ARID2: variants seen among roughly 807,000 people sequenced by gnomAD.
ARID2 encodes the protein AT-rich interaction domain 2, also known as AT-rich interactive domain-containing protein 2.
Under a neutral mutation model 184.6 loss-of-function variants are expected in ARID2, and 32 were observed. That is an observed-to-expected ratio of 0.17 (90% CI 0.13 to 0.23). The LOEUF is 0.23. Ranked by LOEUF, ARID2 falls within the 10% of genes least tolerant of loss-of-function variation. The pLI is 1.00. For synonymous variants in ARID2, 836 were observed against 772.6 expected, an observed-to-expected ratio of 1.08 and a Z score of -1.36; for missense variants, 1,696 against 2,197.6, an observed-to-expected ratio of 0.77 and a Z score of 4.56.
intron 11 of ARID2, among the ~76,000 whole-genome samples, chr12:45,843,998 T>C (rs909959353): frequency 1.3e-5 from 2 of 152,138 alleles, no homozygotes; most frequent in Non-Finnish European, 2.9e-5. Context: ...CTGAATGAAA[T>C]AAAATACCAC....
intron 3 of ARID2, among the ~76,000 whole-genome samples, chr12:45,765,419 C>G (rs1941753927): frequency 6.6e-6 from 1 of 151,822 alleles, no homozygotes; most frequent in Non-Finnish European, 1.5e-5. Flanking sequence ...TCATGTTGCT[C>G]AGGCTGGTCT....
chr12:45,733,806 G>C (rs1044627834), intron 3 of ARID2, among the ~76,000 whole-genome samples: 1 of 152,150 alleles, frequency 6.6e-6, no homozygotes, highest in African/African-American at 2.4e-5. Flanking sequence ...ATATAGACTT[G>C]AGTATTAATG....
chr12:45,756,835 G>T (rs1284683845), intron 3 of ARID2, among the ~76,000 whole-genome samples: 4 of 152,164 alleles, frequency 2.6e-5, no homozygotes, highest in Non-Finnish European at 5.9e-5. Flanking sequence ...GGAGGTTGAG[G>T]CTGCAGTAAG....
At chr12:45,772,973 CA>C (rs1425049275) in intron 3 of ARID2, among the ~76,000 whole-genome samples, 1 of 152,080 alleles carries the variant, frequency 6.6e-6, no homozygotes, top group Non-Finnish European at 1.5e-5. Flanking sequence ...TTCTGTAGTG[CA>C]AACGGAATAT....
chr12:45,737,032 A>G (rs767031522), intron 3 of ARID2, among the ~76,000 whole-genome samples: 18 of 152,250 alleles, frequency 1.2e-4, no homozygotes, highest in Non-Finnish European at 1.9e-4. Context: ...TGATAAAAGA[A>G]ATAACAAACT....
intron 3 of ARID2, among the ~76,000 whole-genome samples, chr12:45,785,985 G>A (rs377658186): frequency 6.6e-6 from 1 of 152,132 alleles, no homozygotes; most frequent in South Asian, 2.1e-4. Flanking sequence ...AGAAATGTTG[G>A]GGACTGCTGA....
rs143693434 is a variant in ARID2, at chr12:45,755,175, A to G, written c.284+23861A>G. Among the ~76,000 whole-genome samples, 836 of 152,354 alleles carry G rather than the reference A, an allele frequency of 5.5e-3. 7 individuals carry two copies. The highest frequency in any genetic ancestry group is 0.019 in the African/African-American group (796 of 41,582). On this transcript the variant is annotated intron_variant, in intron 3 of 20. Coordinates refer to ENST00000334344, the MANE Select transcript of ARID2 (RefSeq NM_152641.4). Reference sequence around the variant, plus strand: ...GGAGGATTTTGAAAATCAAATTAACATATTTGAGCTTTATTCTGCATATAG... The same window carrying G: ...GGAGGATTTTGAAAATCAAATTAACGTATTTGAGCTTTATTCTGCATATAG...
intron 16 of ARID2, among the ~76,000 whole-genome samples, chr12:45,873,315 C>T (rs1310855170): frequency 6.6e-6 from 1 of 152,048 alleles, no homozygotes; most frequent in East Asian, 1.9e-4. Flanking sequence ...TCTTTTAATT[C>T]GTGTATTTAG....
At chr12:45,888,643 T>C (rs1944238803) in intron 16 of ARID2, among the ~76,000 whole-genome samples, 1 of 152,180 alleles carries the variant, frequency 6.6e-6, no homozygotes, top group African/African-American at 2.4e-5. Flanking sequence ...CCCTTATTTA[T>C]TTTTGGCCTA....
chr12:45,768,648 G>A (rs916440405), intron 3 of ARID2, among the ~76,000 whole-genome samples: 6 of 152,146 alleles, frequency 3.9e-5, no homozygotes, highest in African/African-American at 1.4e-4. Context: ...AGATTGGTAG[G>A]TGCAGTGGAG....
intron 4 of ARID2, among the ~76,000 whole-genome samples, chr12:45,816,131 T>C (rs1942799631): frequency 6.6e-6 from 1 of 152,212 alleles, no homozygotes; most frequent in Non-Finnish European, 1.5e-5. Context: ...TTTTTATATA[T>C]GTGAATTATG....
At chr12:45,759,738 G>A (rs1016827148) in intron 3 of ARID2, among the ~76,000 whole-genome samples, 1 of 152,094 alleles carries the variant, frequency 6.6e-6, no homozygotes. Flanking sequence ...CCAATTGATT[G>A]ATTGATTGAG....
chr12:45,804,572 C>T (rs112890386), intron 3 of ARID2, among the ~76,000 whole-genome samples: 9 of 151,664 alleles, frequency 5.9e-5, no homozygotes, highest in African/African-American at 1.7e-4. Context: ...TACTGGATTA[C>T]GATTTTCAGC....
chr12:45,827,530 A>G (rs1943025895), intron 6 of ARID2, among the ~76,000 whole-genome samples: 1 of 152,176 alleles, frequency 6.6e-6, no homozygotes. Flanking sequence ...ATAGGAAAAC[A>G]GACAATAAAA....
intron 4 of ARID2, among the ~76,000 whole-genome samples, chr12:45,816,667 A>C (rs899146365): frequency 3.3e-5 from 5 of 152,204 alleles, no homozygotes; most frequent in Non-Finnish European, 7.3e-5. Flanking sequence ...ATTGGAAACA[A>C]TCTAAACGTC....
chr12:45,891,548 T>C (rs1339889283), intron 16 of ARID2, among the ~76,000 whole-genome samples: 2 of 152,238 alleles, frequency 1.3e-5, no homozygotes, highest in African/African-American at 2.4e-5. Context: ...GGTATTTGTT[T>C]ATAAGATAAT....
intron 11 of ARID2, among the ~76,000 whole-genome samples, chr12:45,845,317 T>C (rs545575057): frequency 1.3e-5 from 2 of 152,098 alleles, no homozygotes; most frequent in African/African-American, 2.4e-5. Context: ...TATCGTCAAC[T>C]TAGAAGGGGA....
intron 3 of ARID2, among the ~76,000 whole-genome samples, chr12:45,795,250 G>T (rs1428136771): frequency 1.3e-5 from 2 of 151,974 alleles, no homozygotes; most frequent in African/African-American, 4.8e-5. Context: ...CCCTGTAGGG[G>T]ATCATTTCTA....
At chr12:45,858,382 AACTTTCCTTTTAT>A (rs1332692045) in intron 15 of ARID2, among the ~76,000 whole-genome samples, 1 of 152,026 alleles carries the variant, frequency 6.6e-6, no homozygotes, top group African/African-American at 2.4e-5. Flanking sequence ...GAAAGAAAGA[AACTTTCCTTTTAT>A]ACTTTCCTTG....
Sources: gnomAD v4.1 joint callset for allele counts (sites outside exome capture counted in the v4.1 genomes callset) on GRCh38, gnomAD v4.1.1 for gene constraint, MANE v1.5 for transcripts, NCBI Gene and HGNC (gene_info 2026-07-23, HGNC 2026-07-21) for gene names.